Variants in RSF1 observed in about 807,000 individuals in gnomAD.
RSF1 encodes remodeling and spacing factor 1.
A neutral mutation model predicts 145.2 loss-of-function variants in RSF1; 13 were observed. The ratio of observed to expected loss-of-function variants is 0.09; its 90% CI spans 0.06 to 0.14. The LOEUF is 0.14. Among genes scored for constraint, RSF1 ranks in the 10% least tolerant of loss-of-function variants. The probability of loss-of-function intolerance (pLI) is 1.00; values close to 1 mark genes in which losing one functional copy is unlikely to be tolerated. For synonymous variants in RSF1, 577 were observed against 592.6 expected, an observed-to-expected ratio of 0.97 and a Z score of 0.38; for missense variants, 1,517 against 1,718.2, an observed-to-expected ratio of 0.88 and a Z score of 2.07.
chr11:77,701,805 G>C lies in RSF1; in HGVS notation c.1424C>G (p.Ser475Cys), dbSNP rs751215835. 2.5e-6 allele frequency: 4 copies of C among 1,613,954 alleles called. No homozygotes were observed. In the Admixed American group the frequency reaches 6.7e-5, roughly 27 times the overall value. Residue 475 changes from serine (S) to cysteine (C), a missense_variant, in exon 6 of 16, where the codon TCT (serine) becomes TGT (cysteine). Coordinates refer to ENST00000308488, the MANE Select transcript of RSF1 (RefSeq NM_016578.4). ...CTCCGTGATGATATTTCTGTCCTTAGAGGGGCTATAGCTCTCTTCCTTTGT... is the reference window on the plus strand; with the variant it reads ...CTCCGTGATGATATTTCTGTCCTTACAGGGGCTATAGCTCTCTTCCTTTGT... ...YETKEESYSPSKDRNIITEGN... is the reference protein window; with the variant it reads ...YETKEESYSPCKDRNIITEGN...
At chr11:77,819,580 G>C (rs1052100119) in intron 1 of RSF1, among the ~76,000 whole-genome samples, 3 of 152,204 alleles carry the variant, frequency 2.0e-5, no homozygotes, top group Non-Finnish European at 2.9e-5. Flanking sequence ...ACCAGAGAGA[G>C]AAACATGAGC....
chr11:77,724,444 A>G (rs528124921), intron 5 of RSF1, among the ~76,000 whole-genome samples: 1 of 152,326 alleles, frequency 6.6e-6, no homozygotes, highest in Non-Finnish European at 1.5e-5. Flanking sequence ...CATTATTCAC[A>G]ACGTCCAAAA....
intron 5 of RSF1, among the ~76,000 whole-genome samples, chr11:77,720,894 G>A (rs192201004): frequency 5.9e-5 from 9 of 152,278 alleles, no homozygotes; most frequent in Admixed American, 2.6e-4. Flanking sequence ...AAGGCAATTC[G>A]AATTGTCTTT....
the RSF1 span, among the ~76,000 whole-genome samples, chr11:77,862,622 C>T: frequency 6.6e-6 from 1 of 151,978 alleles, no homozygotes; most frequent in Non-Finnish European, 1.5e-5. Context: ...GGGGGGACAC[C>T]GGAGTAGGGA....
At chr11:77,815,457 C>A (rs1358698375) in intron 1 of RSF1, among the ~76,000 whole-genome samples, 1 of 152,126 alleles carries the variant, frequency 6.6e-6, no homozygotes, top group East Asian at 1.9e-4. Flanking sequence ...TTTATTAAAT[C>A]TAACAACACA....
intron 6 of RSF1, among the ~76,000 whole-genome samples, chr11:77,699,506 A>G (rs1482567072): frequency 6.6e-6 from 1 of 152,242 alleles, no homozygotes; most frequent in African/African-American, 2.4e-5. Context: ...ATTAAAAAGA[A>G]AAGTAGCACT....
chr11:77,820,108 G>A (rs1431729241), intron 1 of RSF1, among the ~76,000 whole-genome samples: 2 of 152,194 alleles, frequency 1.3e-5, no homozygotes, highest in Non-Finnish European at 2.9e-5. Context: ...GTGGGAGGAG[G>A]GGAGGGAGTA....
rs1310791766 is a variant in RSF1 at position 77,662,893 on chromosome 11, G to A, written c.*4024C>T. The A allele has an allele frequency of 1.3e-5, 2 of 152,160 alleles. No individual in the cohort carries two copies. The highest frequency in any genetic ancestry group is 4.8e-5 in the African/African-American group (2 of 41,452). 9.4% of individuals were successfully genotyped at this position (152,160 alleles called of 1,614,324 possible). Reference sequence around the variant, plus strand: ...AAACATCAGGAGAAACTGTTGTCTAGATTTTCTGTAATTAAATGATGTTCA... The same window carrying A: ...AAACATCAGGAGAAACTGTTGTCTAAATTTTCTGTAATTAAATGATGTTCA... On this transcript the variant is annotated 3_prime_UTR_variant, in exon 16 of 16. Coordinates refer to ENST00000308488, the MANE Select transcript of RSF1 (RefSeq NM_016578.4).
chr11:77,670,692 A>G (rs926016655), intron 15 of RSF1, among the ~76,000 whole-genome samples: 4 of 152,146 alleles, frequency 2.6e-5, no homozygotes, highest in Non-Finnish European at 5.9e-5. Flanking sequence ...TACACATTCG[A>G]AAAAGATGTT....
chr11:77,809,932 C>T (rs1191239354), intron 1 of RSF1, among the ~76,000 whole-genome samples: 1 of 152,152 alleles, frequency 6.6e-6, no homozygotes. Context: ...TGTGAAGATG[C>T]TAAGGACAAA....
At chr11:77,833,353 AGACAGT>A in the RSF1 span, among the ~76,000 whole-genome samples, 2 of 152,062 alleles carry the variant, frequency 1.3e-5, no homozygotes, top group East Asian at 3.8e-4. Context: ...GAGTGATGGG[AGACAGT>A]GACAGATCAT....
intron 5 of RSF1, among the ~76,000 whole-genome samples, chr11:77,710,200 C>A (rs908746472): frequency 2.6e-5 from 4 of 151,922 alleles, no homozygotes; most frequent in South Asian, 2.1e-4. Flanking sequence ...ATATATGGCA[C>A]ACAAAATGAT....
At chr11:77,788,300 A>T (rs1590887629) in intron 1 of RSF1, among the ~76,000 whole-genome samples, 1 of 151,152 alleles carries the variant, frequency 6.6e-6, no homozygotes. Context: ...AATTACTGGT[A>T]ATAGAATCAG....
intron 5 of RSF1, among the ~76,000 whole-genome samples, chr11:77,720,822 T>C (rs12418844): frequency 0.18 from 27,236 of 152,116 alleles, 3,071 homozygotes; most frequent in African/African-American, 0.3. Flanking sequence ...GCAGGAGCTA[T>C]TGCTAGAAAG....
At chr11:77,668,602 T>A (rs532438171) in intron 15 of RSF1, among the ~76,000 whole-genome samples, 4 of 152,292 alleles carry the variant, frequency 2.6e-5, no homozygotes, top group Middle Eastern at 6.8e-3. Context: ...AGGAAAAAAA[T>A]AGATGGTAAT....
chr11:77,870,811 T>C, the RSF1 span, among the ~76,000 whole-genome samples: 7 of 152,314 alleles, frequency 4.6e-5, no homozygotes, highest in African/African-American at 1.2e-4. Context: ...CTTACACATA[T>C]AGATATACGT....
At chr11:77,848,505 CCACCACCT>C in the RSF1 span, among the ~76,000 whole-genome samples, 1 of 151,810 alleles carries the variant, frequency 6.6e-6, no homozygotes, top group Non-Finnish European at 1.5e-5. Flanking sequence ...TTACAGGCAC[CCACCACCT>C]CACTTGGCTA....
chr11:77,667,925 G>A (rs940654345), intron 15 of RSF1, among the ~76,000 whole-genome samples: 6 of 151,962 alleles, frequency 3.9e-5, no homozygotes, highest in African/African-American at 9.7e-5. Context: ...AGCTGGTCTC[G>A]AACTCCTGAC....
upstream of RSF1, among the ~76,000 whole-genome samples, chr11:77,825,521 A>G (rs2136036099): frequency 6.6e-6 from 1 of 152,106 alleles, no homozygotes; most frequent in Middle Eastern, 3.4e-3. Context: ...AGGAATCTCT[A>G]CTCTTTGAGA....
Sources: allele counts gnomAD v4.1 joint callset (sites outside exome capture counted in the v4.1 genomes callset), GRCh38; gene constraint gnomAD v4.1.1; transcripts MANE v1.5; gene names NCBI Gene and HGNC (gene_info 2026-07-23, HGNC 2026-07-21).